The following VAC14 variants were observed in gnomAD, a reference collection of about 807,000 sequenced individuals.
The protein encoded by VAC14 is VAC14 component of PIKFYVE complex, also known as protein VAC14 homolog.
A neutral mutation model predicts 85.3 loss-of-function variants in VAC14; 47 were observed. That is an observed-to-expected ratio of 0.55 (90% CI 0.44 to 0.70). The LOEUF is 0.70. Among genes scored for constraint, VAC14 ranks in the 30% least tolerant of loss-of-function variants. The pLI is 0.00. For synonymous variants in VAC14, 447 were observed against 430.5 expected (o/e 1.04, Z -0.47); for missense variants, 861 against 1,004.3 (o/e 0.86, Z 1.93).
intron 13 of VAC14, among the ~76,000 whole-genome samples, chr16:70,742,172 C>T (rs1326584827): frequency 2.0e-5 from 3 of 152,242 alleles, no homozygotes; most frequent in Non-Finnish European, 4.4e-5. Context: ...TTCTCTGCTG[C>T]TGCCACTTTG....
chr16:70,724,753 G>A (rs919496104), intron 14 of VAC14, among the ~76,000 whole-genome samples: 1 of 152,212 alleles, frequency 6.6e-6, no homozygotes, highest in African/African-American at 2.4e-5. Context: ...ACAAGGAGCT[G>A]GACAGACAAC....
chr16:70,691,516 C>G, intron 18 of VAC14: 1 of 985,486 alleles, frequency 1.0e-6, no homozygotes, highest in Non-Finnish European at 1.2e-6. Context: ...GGAACCCACA[C>G]ATGCGCCCCC....
intron 1 of VAC14, among the ~76,000 whole-genome samples, chr16:70,800,508 C>A (rs1483131426): frequency 6.6e-6 from 1 of 152,192 alleles, no homozygotes; most frequent in African/African-American, 2.4e-5. Context: ...CGAAGACTCA[C>A]CATGTGCCAT....
intron 7 of VAC14, 43 bp from the exon 8 acceptor site, chr16:70,782,046 GC>G (rs776358790): frequency 6.2e-6 from 10 of 1,600,994 alleles, no homozygotes; most frequent in Non-Finnish European, 8.5e-6. Context: ...AGCACACGCA[GC>G]CCGAGTGCTC....
At position 70,687,917 on chromosome 16, in the gene VAC14, T is replaced by C. The variant is rs200487255; in HGVS notation, c.*11A>G. ...GGACCACTCGGTGGGCCCTCCTCCGTGCCAGGCCTGTCAGAGGACAACCCT... is the reference window on the plus strand; with the variant it reads ...GGACCACTCGGTGGGCCCTCCTCCGCGCCAGGCCTGTCAGAGGACAACCCT... On this transcript the variant is annotated 3_prime_UTR_variant, in exon 19 of 19. Coordinates refer to ENST00000261776, the MANE Select transcript of VAC14 (RefSeq NM_018052.5). 18 of 1,526,498 alleles carry C rather than the reference T, an allele frequency of 1.2e-5. No homozygotes were observed. In the African/African-American group the frequency reaches 2.5e-4, roughly 21 times the overall value. 94.6% of individuals were successfully genotyped at this position (1,526,498 alleles called of 1,614,324 possible).
chr16:70,720,454 G>T (rs191036286), intron 14 of VAC14, among the ~76,000 whole-genome samples: 1 of 152,204 alleles, frequency 6.6e-6, no homozygotes, highest in Non-Finnish European at 1.5e-5. Flanking sequence ...GTGTTATGTG[G>T]TAAGAAAGGG....
chr16:70,752,576 C>A (rs191006576), intron 12 of VAC14, among the ~76,000 whole-genome samples: 33 of 152,358 alleles, frequency 2.2e-4, no homozygotes, highest in African/African-American at 7.7e-4. Context: ...CCACTCATAC[C>A]CGCTATGGCT....
chr16:70,766,701 G>A (rs546200229), intron 10 of VAC14: 13 of 342,554 alleles, frequency 3.8e-5, no homozygotes, highest in African/African-American at 2.6e-4. Context: ...TTGCCTGGCT[G>A]GAGGTGGAGG....
intron 12 of VAC14, among the ~76,000 whole-genome samples, chr16:70,756,704 C>T (rs1485957621): frequency 6.6e-6 from 1 of 152,140 alleles, no homozygotes; most frequent in African/African-American, 2.4e-5. Flanking sequence ...ACCCAGGTAC[C>T]ACTGGGTTGG....
intron 10 of VAC14, among the ~76,000 whole-genome samples, chr16:70,764,226 T>A (rs947656216): frequency 1.3e-5 from 2 of 152,168 alleles, no homozygotes; most frequent in African/African-American, 4.8e-5. Context: ...TTAATATGGT[T>A]TGATGATCCC....
At chr16:70,784,868 C>T (rs372847156) in intron 3 of VAC14, 30 bp from the exon 4 acceptor site, 23 of 1,606,750 alleles carry the variant, frequency 1.4e-5, no homozygotes, top group Non-Finnish European at 2.0e-5. Context: ...GGGAGGGACA[C>T]AGAGGCGAGG....
chr16:70,729,826 T>TTGAA (rs35118641), intron 14 of VAC14, among the ~76,000 whole-genome samples: 19,298 of 151,842 alleles, frequency 0.13, 1,505 homozygotes, highest in Middle Eastern at 0.2. Context: ...TAAACATCTG[T>TTGAA]TGAATGAATG....
At chr16:70,779,213 C>G (rs935067886) in intron 9 of VAC14, 1 of 152,234 alleles carries the variant, frequency 6.6e-6, no homozygotes, top group Non-Finnish European at 1.5e-5. Flanking sequence ...GCATGGACAG[C>G]TGCTGGATTT....
intron 9 of VAC14, among the ~76,000 whole-genome samples, chr16:70,780,136 C>A (rs1239651954): frequency 6.6e-6 from 1 of 151,390 alleles, no homozygotes; most frequent in Non-Finnish European, 1.5e-5. Flanking sequence ...GATTACCCAG[C>A]CCGGCCATAA....
chr16:70,730,816 G>A (rs983543630), intron 14 of VAC14, among the ~76,000 whole-genome samples: 1 of 152,006 alleles, frequency 6.6e-6, no homozygotes, highest in African/African-American at 2.4e-5. Context: ...TAACCTGCAG[G>A]GCTGAGAACC....
At chr16:70,720,469 C>T (rs533998827) in intron 14 of VAC14, among the ~76,000 whole-genome samples, 6 of 152,242 alleles carry the variant, frequency 3.9e-5, no homozygotes, top group South Asian at 2.1e-4. Flanking sequence ...AAAGGGAGAA[C>T]GCTTCCCGGG....
intron 13 of VAC14, among the ~76,000 whole-genome samples, chr16:70,738,930 C>T (rs2029981062): frequency 6.6e-6 from 1 of 152,194 alleles, no homozygotes; most frequent in African/African-American, 2.4e-5. Context: ...CAGGAGGGAA[C>T]AGATGTGAAC....
chr16:70,767,059 C>G (rs1339849917), intron 10 of VAC14, among the ~76,000 whole-genome samples: 1 of 152,178 alleles, frequency 6.6e-6, no homozygotes, highest in Non-Finnish European at 1.5e-5. Context: ...CGAGTCACTC[C>G]TGGGGGCTTC....
chr16:70,711,797 C>G (rs573290730), intron 14 of VAC14, among the ~76,000 whole-genome samples: 25 of 152,326 alleles, frequency 1.6e-4, no homozygotes, highest in Admixed American at 1.6e-3. Flanking sequence ...AGATGGCTTT[C>G]TCTAGGCTTT....
Sources: allele counts gnomAD v4.1 joint callset (sites outside exome capture counted in the v4.1 genomes callset), GRCh38; gene constraint gnomAD v4.1.1; transcripts MANE v1.5; gene names NCBI Gene and HGNC (gene_info 2026-07-23, HGNC 2026-07-21).